Variants in BPTF observed in about 807,000 individuals in gnomAD.
The protein encoded by BPTF is bromodomain PHD finger transcription factor, also known as nucleosome-remodeling factor subunit BPTF.
In BPTF, 18 loss-of-function variants were observed where a neutral mutation model predicts 292.5. That is an observed-to-expected ratio of 0.06 (90% CI 0.04 to 0.09). BPTF has a LOEUF of 0.09. BPTF is among the 10% of genes least tolerant of loss of function. The pLI is 1.00. For synonymous variants in BPTF, 1,225 were observed against 1,251.9 expected, an observed-to-expected ratio of 0.98 and a Z score of 0.45; for missense variants, 2,726 against 3,498.7, an observed-to-expected ratio of 0.78 and a Z score of 5.57.
At chr17:67,962,470 C>T (rs1355567370) in intron 24 of BPTF, among the ~76,000 whole-genome samples, 1 of 152,198 alleles carries the variant, frequency 6.6e-6, no homozygotes, top group Non-Finnish European at 1.5e-5. Flanking sequence ...ACTCTGCTCT[C>T]CACAATCACA....
At chr17:67,971,650 C>T (rs1251682224) in intron 26 of BPTF, among the ~76,000 whole-genome samples, 2 of 151,346 alleles carry the variant, frequency 1.3e-5, no homozygotes, top group Non-Finnish European at 2.9e-5. Context: ...CTAAAAATAC[C>T]AAAATTAGTC....
intron 4 of BPTF, among the ~76,000 whole-genome samples, chr17:67,884,842 A>G (rs2060649495): frequency 6.6e-6 from 1 of 152,112 alleles, no homozygotes; most frequent in African/African-American, 2.4e-5. Context: ...TTCTAGACAC[A>G]GGATTGCTGT....
rs1419902670 is a variant in BPTF at position 67,870,607 on chromosome 17, A to T, written c.1660+3920A>T. Among the ~76,000 whole-genome samples the T allele has an allele frequency of 2.0e-5, 3 of 151,988 alleles. No homozygotes were observed. In the East Asian group the frequency reaches 5.8e-4, roughly 29 times the overall value. On this transcript the variant is annotated intron_variant, in intron 3 of 27. Coordinates refer to ENST00000306378, the MANE Select transcript of BPTF (RefSeq NM_182641.4). ...TAAATACCCAAAATAATATCTAATC[A>T]TGTTCTTTAACTTGGGGTTTTATGA...
Position 67,945,981 on chromosome 17 carries a change from A to G in BPTF, c.7273A>G (p.Ile2425Val), listed in dbSNP as rs2065781163. ...VSSPSRPQLQ[I>V]QQPQPQVIAV... ...ATCCCCATCCCGTCCTCAGCTACAA[A>G]TACAGCAGCCACAGCCCCAAGTCAT... Residue 2425 changes from isoleucine to valine, a missense_variant, in exon 21 of 28, where the codon ATA becomes GTA. Coordinates refer to ENST00000306378, the MANE Select transcript of BPTF (RefSeq NM_182641.4). The G allele has an allele frequency of 6.2e-7, 1 of 1,614,052 alleles. No individual in the cohort carries two copies. The highest frequency in any genetic ancestry group is 8.5e-7 in the Non-Finnish European group (1 of 1,180,030).
In BPTF at chr17:67,912,015, T is replaced by A. The variant is rs754599655; in HGVS notation, c.4131T>A (p.Asp1377Glu). ...LEERPVNKCSDQIKLKNTTDK... is the reference protein window; with the variant it reads ...LEERPVNKCSEQIKLKNTTDK... The stretch of plus-strand genomic sequence containing the variant: ...AGAGACCAGTTAATAAATGTAGTGA[T>A]CAAATAAAGCTAAAAAATACCACTG... The change falls in exon 11 of 28, where the codon GAT becomes GAA. Residue 1377 changes from aspartate (D) to glutamate (E), a missense_variant. Around this residue, in one of 22 missense-constraint regions of BPTF, gnomAD observed 713 missense variants for 714.9 expected, o/e 1.00. Coordinates refer to ENST00000306378, the MANE Select transcript of BPTF (RefSeq NM_182641.4). The A allele has an allele frequency of 1.2e-6, 2 of 1,613,062 alleles. No homozygotes were observed. The highest frequency in any genetic ancestry group is 1.7e-6 in the Non-Finnish European group (2 of 1,179,792).
intron 21 of BPTF, 34 bp from the exon 22 acceptor site, chr17:67,947,692 A>T: frequency 2.0e-6 from 3 of 1,518,666 alleles, no homozygotes; most frequent in Non-Finnish European, 2.7e-6. Context: ...GGTGATTATA[A>T]AATATGCGCT....
At chr17:67,882,714 A>G (rs185444071) in intron 4 of BPTF, among the ~76,000 whole-genome samples, 18 of 152,378 alleles carry the variant, frequency 1.2e-4, no homozygotes, top group African/African-American at 4.1e-4. Context: ...GTCACTTAAA[A>G]TAATCCCCTG....
At chr17:67,935,218 G>A (rs1426827163) in intron 18 of BPTF, among the ~76,000 whole-genome samples, 2 of 152,124 alleles carry the variant, frequency 1.3e-5, no homozygotes, top group East Asian at 3.9e-4. Context: ...GAACCTATTA[G>A]TTCTAGACAT....
chr17:67,832,783 C>CTTTTT (rs60751133), intron 1 of BPTF, among the ~76,000 whole-genome samples: 10 of 101,638 alleles, frequency 9.8e-5, no homozygotes, highest in East Asian at 3.3e-4. Context: ...TGATTCGCCT[C>CTTTTT]TTTTTTTTTT....
chr17:67,849,155 C>G (rs2058233542), intron 1 of BPTF, among the ~76,000 whole-genome samples: 1 of 152,092 alleles, frequency 6.6e-6, no homozygotes, highest in Non-Finnish European at 1.5e-5. Context: ...TTCAAACTTG[C>G]CGCACATCAG....
At chr17:67,934,500 CAA>C (rs2064732210) in intron 18 of BPTF, among the ~76,000 whole-genome samples, 1 of 149,496 alleles carries the variant, frequency 6.7e-6, no homozygotes, top group African/African-American at 2.5e-5. Flanking sequence ...GCCTGGGCAA[CAA>C]GAGTGAAACT....
intron 7 of BPTF, among the ~76,000 whole-genome samples, chr17:67,901,476 T>C (rs1208276146): frequency 1.3e-5 from 2 of 152,200 alleles, no homozygotes; most frequent in Non-Finnish European, 2.9e-5. Context: ...AAAATGTTAT[T>C]GTAATCAAAG....
intron 1 of BPTF, among the ~76,000 whole-genome samples, chr17:67,847,198 T>G (rs569212449): frequency 2.3e-4 from 35 of 152,272 alleles, no homozygotes; most frequent in Non-Finnish European, 2.9e-5. Flanking sequence ...AATGCTTACT[T>G]AGCACAATGT....
intron 18 of BPTF, among the ~76,000 whole-genome samples, chr17:67,935,606 G>C (rs1264037599): frequency 6.6e-6 from 1 of 152,144 alleles, no homozygotes; most frequent in East Asian, 1.9e-4. Flanking sequence ...AATAAAGTGA[G>C]CTTTTTTAAC....
At chr17:67,982,016 TATATA>T in intron 27 of BPTF, 1 of 153,100 alleles carries the variant, frequency 6.5e-6, no homozygotes. Context: ...TATATATATA[TATATA>T]TATTTAAATA....
chr17:67,953,693 A>G (rs1407697813), intron 23 of BPTF, among the ~76,000 whole-genome samples: 7 of 150,624 alleles, frequency 4.6e-5, no homozygotes, highest in Non-Finnish European at 7.4e-5. Context: ...CTCCTGCCTC[A>G]GCCTCCCGAG....
chr17:67,851,114 CTG>C (rs2058370027), intron 1 of BPTF, among the ~76,000 whole-genome samples: 1 of 152,148 alleles, frequency 6.6e-6, no homozygotes, highest in African/African-American at 2.4e-5. Flanking sequence ...GGCCACTTAT[CTG>C]TGCACAGACA....
chr17:67,948,608 G>A (rs1397381378), intron 23 of BPTF, among the ~76,000 whole-genome samples: 1 of 152,216 alleles, frequency 6.6e-6, no homozygotes, highest in Non-Finnish European at 1.5e-5. Context: ...CTAGCCAAAA[G>A]TAATTAGGAG....
intron 3 of BPTF, among the ~76,000 whole-genome samples, chr17:67,872,458 A>C (rs1409350138): frequency 1.3e-5 from 2 of 152,166 alleles, no homozygotes; most frequent in African/African-American, 4.8e-5. Context: ...TCACACCTGT[A>C]ATCCTAGCAC....
Sources: gnomAD v4.1 joint callset for allele counts (sites outside exome capture counted in the v4.1 genomes callset) on GRCh38, gnomAD v4.1.1 for gene constraint, gnomAD v4.1.1 regional missense constraint, MANE v1.5 for transcripts, NCBI Gene and HGNC (gene_info 2026-07-23, HGNC 2026-07-21) for gene names.